The following SIPA1L1 variants were observed in gnomAD, a reference collection of about 807,000 sequenced individuals.
The protein encoded by SIPA1L1 is signal-induced proliferation-associated 1-like protein 1.
Under a neutral mutation model 162.7 loss-of-function variants are expected in SIPA1L1, and 26 were observed. The observed-to-expected ratio is 0.16, with a 90% CI of 0.12 to 0.22. The LOEUF (loss-of-function observed/expected upper bound fraction) is 0.22, where lower values mean the gene tolerates loss of function less well. SIPA1L1 is among the 10% of genes least tolerant of loss of function. The pLI, the probability that SIPA1L1 is intolerant of heterozygous loss-of-function variation, is 1.00. For missense variants in SIPA1L1, 1,874 were observed against 2,241.0 expected (o/e 0.84, Z 3.31); for synonymous variants, 829 against 837.4 (o/e 0.99, Z 0.17).
chr14:71,531,722 C>G (rs2053466100), intron 4 of SIPA1L1, among the ~76,000 whole-genome samples: 1 of 151,980 alleles, frequency 6.6e-6, no homozygotes. Context: ...GATGAACCAC[C>G]AGGTTTGGGT....
Position 71,653,583 on chromosome 14 carries a change from G to A in SIPA1L1, c.1993+3074G>A, listed in dbSNP as rs530143525. ...AAGTACCTCTAGGTAGAAAGCCCAG[G>A]GGTCATAGGGCTCATCTTCTGTATT... On this transcript the variant is annotated intron_variant, in intron 8 of 23. Transcript: ENST00000381232. Among the ~76,000 whole-genome samples, 17 of 152,248 alleles carry A rather than the reference G, an allele frequency of 1.1e-4. 1 individual carries two copies. The South Asian group carries it at 3.5e-3, about 32-fold the overall frequency.
chr14:71,327,177 G>T (rs958522703), intron 2 of SIPA1L1, among the ~76,000 whole-genome samples: 8 of 150,836 alleles, frequency 5.3e-5, no homozygotes, highest in African/African-American at 2.0e-4. Context: ...CTGCCTCCCG[G>T]GTTCAAGCGA....
At chr14:71,695,041 C>G (rs2081523130) in intron 13 of SIPA1L1, among the ~76,000 whole-genome samples, 1 of 152,220 alleles carries the variant, frequency 6.6e-6, no homozygotes, top group Non-Finnish European at 1.5e-5. Context: ...CAATAACGAT[C>G]AGCCTCAGGC....
At chr14:71,571,786 C>T (rs1028132569) in intron 4 of SIPA1L1, among the ~76,000 whole-genome samples, 5 of 151,364 alleles carry the variant, frequency 3.3e-5, no homozygotes, top group South Asian at 2.1e-4. Context: ...GGACTACAGG[C>T]GCCTGCCACC....
intron 2 of SIPA1L1, among the ~76,000 whole-genome samples, chr14:71,343,174 A>G (rs2035827002): frequency 6.6e-6 from 1 of 152,184 alleles, no homozygotes; most frequent in Non-Finnish European, 1.5e-5. Context: ...TTTGAAAGCT[A>G]CCTTTTAAAT....
In SIPA1L1 at chr14:71,377,425, A is replaced by G. The variant is rs138399490; in HGVS notation, c.-465+56244A>G. ...CTCCTCACCTCCCAGACAGGGTGGC[A>G]GCCGGGTAGAGATGCTCCTCACTTC... On this transcript the variant is annotated intron_variant, in intron 2 of 23. Transcript: ENST00000381232. This position sits in a 1 kb window ranked among gnomAD's most constrained non-coding sequence, Gnocchi z 4.8. 0.058 allele frequency among the ~76,000 whole-genome samples: 8,811 copies of G among 151,264 alleles called. 586 individuals are homozygous for G. Among genetic ancestry groups the G allele is most frequent in the African/African-American group, 0.16 (6,697 of 41,142 alleles).
At chr14:71,449,800 A>G (rs1243653543) in intron 2 of SIPA1L1, among the ~76,000 whole-genome samples, 1 of 152,104 alleles carries the variant, frequency 6.6e-6, no homozygotes, top group South Asian at 2.1e-4. Context: ...CTACTGTTCT[A>G]TTTGTTCTGC....
chr14:71,325,037 G>T (rs1193340438), intron 2 of SIPA1L1, among the ~76,000 whole-genome samples: 1 of 152,094 alleles, frequency 6.6e-6, no homozygotes, highest in Non-Finnish European at 1.5e-5. Flanking sequence ...TTGAGGTGAG[G>T]GGGTTTCCTT....
intron 2 of SIPA1L1, among the ~76,000 whole-genome samples, chr14:71,426,634 C>T (rs746516805): frequency 1.3e-4 from 20 of 151,866 alleles, no homozygotes; most frequent in African/African-American, 2.2e-4. Flanking sequence ...GGATTACATG[C>T]GTGCACCACC....
chr14:71,589,486 C>T, intron 5 of SIPA1L1, 116 bp downstream of exon 5: 3 of 624,084 alleles, frequency 4.8e-6, no homozygotes, highest in Non-Finnish European at 7.9e-6. Context: ...TCTTATCTTT[C>T]TTGATGGTAA....
chr14:71,706,501 C>T (rs946355547), intron 16 of SIPA1L1, among the ~76,000 whole-genome samples: 2 of 152,148 alleles, frequency 1.3e-5, no homozygotes, highest in African/African-American at 4.8e-5. Flanking sequence ...ATATACTTTA[C>T]ACTCTTGATA....
intron 2 of SIPA1L1, among the ~76,000 whole-genome samples, chr14:71,504,115 A>T (rs2050463391): frequency 1.3e-5 from 2 of 152,242 alleles, no homozygotes; most frequent in South Asian, 4.1e-4. Flanking sequence ...CTAAAAGTTT[A>T]ATATTTTTAA....
rs768202046 is a variant in SIPA1L1, at chr14:71,661,327, C to T, written c.2115C>T (p.His705=). The T allele has an allele frequency of 6.2e-7, 1 of 1,613,552 alleles. No individual in the cohort carries two copies. Among genetic ancestry groups the T allele is most frequent in the Admixed American group, 1.7e-5 (1 of 59,926 alleles). The stretch of plus-strand genomic sequence containing the variant: ...TCTTGTAGCTCCTGAGGAAGCGGCA[C>T]ATTGGAAATGATATCGTAACAATTG... ...NNKQQLLRKR[H]IGNDIVTIVF... Residue 705 remains histidine, a synonymous_variant, in exon 10 of 24, where the codon CAC becomes CAT. Transcript: ENST00000381232.
chr14:71,548,044 C>G (rs1814378488), intron 4 of SIPA1L1, among the ~76,000 whole-genome samples: 1 of 152,116 alleles, frequency 6.6e-6, no homozygotes, highest in Non-Finnish European at 1.5e-5. Context: ...GAGCAGGTAC[C>G]AACTAGTGAT....
chr14:71,368,014 T>G (rs2038508200), intron 2 of SIPA1L1, among the ~76,000 whole-genome samples: 1 of 151,402 alleles, frequency 6.6e-6, no homozygotes, highest in African/African-American at 2.4e-5. Context: ...TGTGAAATCT[T>G]AAACCTTTTT....
chr14:71,506,327 G>A (rs1373361002), intron 2 of SIPA1L1, among the ~76,000 whole-genome samples: 1 of 151,926 alleles, frequency 6.6e-6, no homozygotes, highest in African/African-American at 2.4e-5. Flanking sequence ...TTAATTACTT[G>A]TCCAAGCAAA....
At chr14:71,432,862 A>C (rs1167298225) in intron 2 of SIPA1L1, among the ~76,000 whole-genome samples, 1 of 152,214 alleles carries the variant, frequency 6.6e-6, no homozygotes, top group African/African-American at 2.4e-5. Flanking sequence ...CTGATTTGTA[A>C]TCAAATACTA....
At chr14:71,371,792 A>G (rs776774603) in intron 2 of SIPA1L1, among the ~76,000 whole-genome samples, 1 of 152,164 alleles carries the variant, frequency 6.6e-6, no homozygotes, top group African/African-American at 2.4e-5. Flanking sequence ...TTTCTCAATA[A>G]TGTTCACTAT....
chr14:71,715,037 T>C (rs950246169), intron 17 of SIPA1L1, among the ~76,000 whole-genome samples: 1 of 152,258 alleles, frequency 6.6e-6, no homozygotes, highest in Non-Finnish European at 1.5e-5. Context: ...ATTTTTGACA[T>C]CTAAGATTCT....
Sources: gnomAD v4.1 joint callset for allele counts (sites outside exome capture counted in the v4.1 genomes callset) on GRCh38, gnomAD v4.1.1 for gene constraint, Gnocchi (gnomAD v3.1) non-coding constraint, MANE v1.5 for transcripts, NCBI Gene and HGNC (gene_info 2026-07-23, HGNC 2026-07-21) for gene names.